KLHL2: variants seen among roughly 807,000 people sequenced by gnomAD.
The protein encoded by KLHL2 is kelch like family member 2.
A neutral mutation model predicts 75.8 loss-of-function variants in KLHL2; 15 were observed. That is an observed-to-expected ratio of 0.20 (90% confidence interval 0.13 to 0.30). The LOEUF is 0.30. Among genes scored for constraint, KLHL2 ranks in the 10% least tolerant of loss-of-function variants. The pLI, the probability that KLHL2 is intolerant of heterozygous loss-of-function variation, is 1.00. For synonymous variants in KLHL2, 214 were observed against 251.9 expected (o/e 0.85, Z 1.42); for missense variants, 381 against 741.0 (o/e 0.51, Z 5.64).
chr4:165,278,552 G>A (rs754705719), intron 5 of KLHL2: 18 of 1,610,916 alleles, frequency 1.1e-5, no homozygotes, highest in South Asian at 7.7e-5. Flanking sequence ...ATATAACCCC[G>A]AAAATGCTGG....
At chr4:165,255,398 GGTT>G (rs939447245) in intron 4 of KLHL2, among the ~76,000 whole-genome samples, 1 of 151,996 alleles carries the variant, frequency 6.6e-6, no homozygotes, top group Non-Finnish European at 1.5e-5. Flanking sequence ...GGGAGGGGGA[GGTT>G]GTTTTTGTTT....
At position 165,317,941 on chromosome 4, in the gene KLHL2, G is replaced by A. The variant is rs575447813; in HGVS notation, c.1725G>A (p.Ser575=). The part of the protein sequence containing the change: ...PTTDKWTVVS[S]CMSTGRSYAG... ...CCGATAAATGGACAGTTGTGTCATC[G>A]TGTATGAGCACAGGGAGAAGTTATG... The change falls in exon 14 of 15, where the codon TCG becomes TCA. Residue 575 remains serine (S), a synonymous_variant. Transcript: ENST00000226725. 3.1e-6 allele frequency: 5 copies of A among 1,613,894 alleles called. No individual in the cohort carries two copies. Among genetic ancestry groups the A allele is most frequent in the African/African-American group, 1.3e-5 (1 of 75,008 alleles).
intron 4 of KLHL2, among the ~76,000 whole-genome samples, chr4:165,253,280 C>G (rs949181875): frequency 1.8e-4 from 27 of 152,178 alleles, no homozygotes; most frequent in Middle Eastern, 3.4e-3. Flanking sequence ...GTGATCCAAC[C>G]GCCTCGGCCT....
At chr4:165,264,946 C>T (rs1466781488) in intron 5 of KLHL2, among the ~76,000 whole-genome samples, 2 of 151,260 alleles carry the variant, frequency 1.3e-5, no homozygotes, top group African/African-American at 4.9e-5. Flanking sequence ...TTTGAGGAAT[C>T]TCCAGACTGT....
At chr4:165,266,164 G>T (rs1268678699) in intron 5 of KLHL2, among the ~76,000 whole-genome samples, 1 of 152,204 alleles carries the variant, frequency 6.6e-6, no homozygotes, top group South Asian at 2.1e-4. Context: ...TTTTGATGGG[G>T]TTGTTTGTTT....
intron 5 of KLHL2, chr4:165,278,446 A>G (rs1426560253): frequency 2.0e-6 from 3 of 1,524,158 alleles, no homozygotes; most frequent in Admixed American, 1.7e-5. Flanking sequence ...TTTGGAAACA[A>G]ACAGCTTCTA....
chr4:165,211,000 A>G lies in KLHL2; in HGVS notation c.26+3098A>G, dbSNP rs560364145. ...GCAAACATCCCTCAGATAGAACCAT[A>G]TCTTTTTTCAGTTGATGGTTCCACA... On this transcript the variant is annotated intron_variant, in intron 1 of 14. Transcript: ENST00000226725. Among the ~76,000 whole-genome samples, 421 of 152,240 alleles carry G rather than the reference A, an allele frequency of 2.8e-3. 4 individuals carry two copies. The highest frequency in any genetic ancestry group is 9.1e-3 in the African/African-American group (380 of 41,536).
intron 4 of KLHL2, among the ~76,000 whole-genome samples, chr4:165,248,842 G>C (rs1375488511): frequency 6.6e-6 from 1 of 152,184 alleles, no homozygotes; most frequent in Non-Finnish European, 1.5e-5. Context: ...AAGTTACTTG[G>C]AGTGTGAGAG....
chr4:165,313,456 C>T, intron 12 of KLHL2, 90 bp downstream of exon 12: 2 of 1,191,658 alleles, frequency 1.7e-6, no homozygotes, highest in Non-Finnish European at 2.2e-6. Flanking sequence ...TTTACATTAT[C>T]TGAAAATATA....
chr4:165,246,442 G>A lies in KLHL2; in HGVS notation c.381+7543G>A, dbSNP rs996426975. On this transcript the variant is annotated intron_variant, in intron 4 of 14. Coordinates refer to ENST00000226725, the MANE Select transcript of KLHL2 (RefSeq NM_007246.4). Reference sequence around the variant, plus strand: ...ATCTGCTAGCTGGAGGATGGACTGTGGGGGCAGTAGAAGAAGTTGGAGGCC... The same window carrying A: ...ATCTGCTAGCTGGAGGATGGACTGTAGGGGCAGTAGAAGAAGTTGGAGGCC... Among the ~76,000 whole-genome samples, 6 of 152,002 alleles carry A rather than the reference G, an allele frequency of 3.9e-5. No individual in the cohort carries two copies. The East Asian group carries it at 9.6e-4, about 24-fold the overall frequency.
intron 5 of KLHL2, chr4:165,278,636 C>CTTAG: frequency 6.3e-7 from 1 of 1,591,572 alleles, no homozygotes. Flanking sequence ...CTTTATAATT[C>CTTAG]CAAGATTGTC....
At chr4:165,221,078 T>G (rs1462681177) in intron 2 of KLHL2, among the ~76,000 whole-genome samples, 1 of 152,212 alleles carries the variant, frequency 6.6e-6, no homozygotes, top group African/African-American at 2.4e-5. Context: ...CTCTCCCTTT[T>G]AGGCCCATCA....
At chr4:165,304,450 AT>A (rs1293427829) in intron 8 of KLHL2, among the ~76,000 whole-genome samples, 1 of 151,768 alleles carries the variant, frequency 6.6e-6, no homozygotes, top group Non-Finnish European at 1.5e-5. Context: ...GTTTGTTTTT[AT>A]TTTTTGTTTC....
chr4:165,207,944 G>C lies in KLHL2; in HGVS notation c.26+42G>C. 1 of 1,328,506 alleles carries C rather than the reference G, an allele frequency of 7.5e-7. No individual in the cohort carries two copies. Among genetic ancestry groups the C allele is most frequent in the East Asian group, 3.5e-5 (1 of 28,878 alleles). 82.3% of individuals were successfully genotyped at this position (1,328,506 alleles called of 1,614,324 possible). ...GCGGGCTGCGCCGCTGCGGATAAGC[G>C]CGCCGCTGCGGCGCGTGTCGCCGGC... On this transcript the variant is annotated intron_variant, in intron 1 of 14. Transcript: ENST00000226725. The surrounding 1 kb of genome is among the most constrained non-coding windows in gnomAD (Gnocchi z 4.2).
chr4:165,222,807 G>C (rs1189304002), intron 2 of KLHL2, among the ~76,000 whole-genome samples: 3 of 152,152 alleles, frequency 2.0e-5, no homozygotes, highest in Non-Finnish European at 4.4e-5. Context: ...CCTGACTTCT[G>C]GGAAGGGAAA....
chr4:165,250,142 T>C (rs111883217), intron 4 of KLHL2, among the ~76,000 whole-genome samples: 1 of 151,968 alleles, frequency 6.6e-6, no homozygotes, highest in South Asian at 2.1e-4. Flanking sequence ...AAAAAATAGT[T>C]TGTTCTGACA....
intron 7 of KLHL2, among the ~76,000 whole-genome samples, chr4:165,299,194 A>G (rs939277109): frequency 3.3e-5 from 5 of 152,182 alleles, no homozygotes; most frequent in African/African-American, 4.8e-5. Context: ...CTTAAAGGTT[A>G]AAGATACACA....
chr4:165,295,923 C>G (rs576025770), intron 6 of KLHL2, among the ~76,000 whole-genome samples: 1 of 152,078 alleles, frequency 6.6e-6, no homozygotes, highest in African/African-American at 2.4e-5. Flanking sequence ...GGGTTTTAAG[C>G]CAGAGGAGAA....
intron 4 of KLHL2, among the ~76,000 whole-genome samples, chr4:165,262,091 ATAAT>A (rs1378184579): frequency 1.3e-5 from 2 of 152,310 alleles, no homozygotes; most frequent in African/African-American, 4.8e-5. Flanking sequence ...TAACACTGTA[ATAAT>A]TCACTTACAA....
Sources: allele counts gnomAD v4.1 joint callset (sites outside exome capture counted in the v4.1 genomes callset), GRCh38; gene constraint gnomAD v4.1.1; non-coding constraint Gnocchi (gnomAD v3.1); transcripts MANE v1.5; gene names NCBI Gene and HGNC (gene_info 2026-07-23, HGNC 2026-07-21).